The following TACC2 variants were observed in gnomAD, a reference collection of about 807,000 sequenced individuals.
TACC2 encodes the protein transforming acidic coiled-coil containing protein 2, also known as transforming acidic coiled-coil-containing protein 2.
TACC2 carries 137 observed loss-of-function variants against 227.3 expected under a neutral mutation model. That is an observed-to-expected ratio of 0.60 (90% CI 0.52 to 0.69). TACC2 has a LOEUF of 0.69. Among genes scored for constraint, TACC2 ranks in the 30% least tolerant of loss-of-function variants. The pLI, the probability that TACC2 is intolerant of heterozygous loss-of-function variation, is 0.00. For missense variants in TACC2, 3,470 were observed against 3,694.4 expected (o/e 0.94, Z 1.57); for synonymous variants, 1,523 against 1,487.5 (o/e 1.02, Z -0.55).
intron 2 of TACC2, among the ~76,000 whole-genome samples, chr10:122,026,917 T>C (rs1958105274): frequency 6.6e-6 from 1 of 152,262 alleles, no homozygotes. Flanking sequence ...ATAAAACTAC[T>C]ATAAACATCT....
intron 3 of TACC2, among the ~76,000 whole-genome samples, chr10:122,073,609 G>A (rs781470543): frequency 3.9e-5 from 6 of 152,064 alleles, no homozygotes; most frequent in Admixed American, 6.5e-5. Context: ...AAAAGGCAAC[G>A]GAAGGTTTCC....
chr10:122,045,767 C>A (rs1261437459), intron 2 of TACC2, among the ~76,000 whole-genome samples: 1 of 152,204 alleles, frequency 6.6e-6, no homozygotes. Context: ...TGTCAAAGAG[C>A]TTTGAAAAGT....
In TACC2 at chr10:122,211,693, A is replaced by C. The variant is rs2095296240; in HGVS notation, c.7268A>C (p.Lys2423Thr). ...CTAAACAAGCCCGCCAAGAAGAAGA[A>C]GACGCCCCTAAAGACGTAAGTTCAG... is the stretch of plus-strand genomic sequence containing the variant. The part of the protein sequence containing the change: ...DGLNKPAKKK[K>T]TPLKTDTFRV... Residue 2423 changes from lysine (K) to threonine (T), a missense_variant, in exon 9 of 23, where the codon AAG becomes ACG. Transcript: ENST00000369005. The C allele has an allele frequency of 1.3e-6, 2 of 1,555,392 alleles. No homozygotes were observed. The highest frequency in any genetic ancestry group is 1.7e-6 in the Non-Finnish European group (2 of 1,157,776).
intron 9 of TACC2, among the ~76,000 whole-genome samples, chr10:122,213,747 A>G (rs1230965757): frequency 6.6e-6 from 1 of 152,162 alleles, no homozygotes; most frequent in Admixed American, 6.5e-5. Flanking sequence ...TTTCAACACT[A>G]CTGTGGCTTC....
chr10:122,080,532 C>A (rs1216665815), intron 3 of TACC2, among the ~76,000 whole-genome samples: 1 of 152,144 alleles, frequency 6.6e-6, no homozygotes. Flanking sequence ...TGCACCCGGC[C>A]TCTTCCTCTT....
chr10:122,012,040 T>C (rs1187184695), intron 1 of TACC2, among the ~76,000 whole-genome samples: 1 of 151,920 alleles, frequency 6.6e-6, no homozygotes, highest in Non-Finnish European at 1.5e-5. Flanking sequence ...CAGGTTCAAA[T>C]GATTCTCCCG....
At position 122,084,353 on chromosome 10, in the gene TACC2, C is replaced by T. The variant is rs768651010; in HGVS notation, c.1853C>T (p.Pro618Leu). The T allele has an allele frequency of 3.2e-5, 51 of 1,613,702 alleles. 1 individual carries two copies. Among genetic ancestry groups the T allele is most frequent in the East Asian group, 2.2e-4 (10 of 44,884 alleles). The change falls in exon 4 of 23, where the codon CCA becomes CTA. Residue 618 changes from proline (P) to leucine (L), a missense_variant. Physicochemically the swap from Pro to Leu is moderately conservative, Grantham distance 98. Transcript: ENST00000369005. ...PEVGKDELSK[P>L]SSDAESRDHP... ...GTAGGCAAAGATGAGCTTTCAAAGCCAAGCAGTGATGCAGAGAGCAGAGAC... is the reference window on the plus strand; with the variant it reads ...GTAGGCAAAGATGAGCTTTCAAAGCTAAGCAGTGATGCAGAGAGCAGAGAC...
chr10:122,135,045 A>G (rs1170685001), intron 6 of TACC2, among the ~76,000 whole-genome samples: 1 of 152,182 alleles, frequency 6.6e-6, no homozygotes, highest in Non-Finnish European at 1.5e-5. Context: ...TCCTCATGCC[A>G]GCTGTAGAAG....
At position 122,244,481 on chromosome 10, in the gene TACC2, C is replaced by T. The variant is rs141448149; in HGVS notation, c.8392+2480C>T. On this transcript the variant is annotated intron_variant, in intron 19 of 22. Coordinates refer to ENST00000369005, the MANE Select transcript of TACC2 (RefSeq NM_206862.4). ...GTTGCAGGTCATTGACTAAGGTCAC[C>T]GTAGATTTCAAGGTCCTTGTGTCCT... Among the ~76,000 whole-genome samples, 76 of 152,184 alleles carry T rather than the reference C, an allele frequency of 5.0e-4. No homozygotes were observed. In the East Asian group the frequency reaches 7.7e-3, roughly 16 times the overall value.
At chr10:122,028,022 C>T (rs1565104386) in intron 2 of TACC2, among the ~76,000 whole-genome samples, 1 of 150,214 alleles carries the variant, frequency 6.7e-6, no homozygotes, top group Non-Finnish European at 1.5e-5. Context: ...GGATTACAGG[C>T]GTGAGCCACT....
At chr10:122,057,903 C>A (rs558215011) in intron 3 of TACC2, among the ~76,000 whole-genome samples, 2 of 152,168 alleles carry the variant, frequency 1.3e-5, no homozygotes, top group Non-Finnish European at 2.9e-5. Flanking sequence ...CCTGCTCCCT[C>A]GCTAGATGAT....
chr10:122,167,120 CA>C (rs2093217778), intron 7 of TACC2, among the ~76,000 whole-genome samples: 1 of 152,202 alleles, frequency 6.6e-6, no homozygotes, highest in Non-Finnish European at 1.5e-5. Context: ...GAAAACCACC[CA>C]GGGGGCCATT....
intron 2 of TACC2, among the ~76,000 whole-genome samples, chr10:122,031,702 C>CT (rs1959002208): frequency 6.7e-6 from 1 of 149,824 alleles, no homozygotes; most frequent in African/African-American, 2.5e-5. Context: ...CACGCCTGGC[C>CT]CAGCCTCCTT....
intron 9 of TACC2, among the ~76,000 whole-genome samples, chr10:122,213,163 G>C (rs953574525): frequency 6.6e-6 from 1 of 152,212 alleles, no homozygotes; most frequent in Non-Finnish European, 1.5e-5. Context: ...ACGGCTTTGT[G>C]GGATCATTAG....
At position 122,226,413 on chromosome 10, in the gene TACC2, C is replaced by T. The variant is rs1435239520; in HGVS notation, c.7656C>T (p.Asp2552=). The change falls in exon 13 of 23, where the codon GAC becomes GAT. Residue 2552 remains aspartate (D), a synonymous_variant. Coordinates refer to ENST00000369005, the MANE Select transcript of TACC2 (RefSeq NM_206862.4). ...AGCAGGCCTTGTACCTTATGTTTGA[C>T]ACTTCTCAGGAGAGCCCTGTCAAGT... is the stretch of plus-strand genomic sequence containing the variant. ...PKKQALYLMF[D]TSQESPVKSS... The T allele has an allele frequency of 6.2e-7, 1 of 1,614,122 alleles. No homozygotes were observed. The highest frequency in any genetic ancestry group is 1.1e-5 in the South Asian group (1 of 91,062).
chr10:122,149,457 G>C (rs1296339165), intron 7 of TACC2, among the ~76,000 whole-genome samples: 1 of 152,176 alleles, frequency 6.6e-6, no homozygotes, highest in Non-Finnish European at 1.5e-5. Flanking sequence ...CGGCTGTGGC[G>C]TTGGCTCTTC....
chr10:122,210,478 A>C lies in TACC2; in HGVS notation c.6053A>C (p.His2018Pro), dbSNP rs2095265938. Reference protein sequence around the residue: ...VEGSPFRPPSHSFSAVFDEDK... With the variant: ...VEGSPFRPPSPSFSAVFDEDK... ...GGAAGTCCCTTCCGTCCCCCGTCACACTCCTTCTCTGCCGTCTTCGATGAA... is the reference window on the plus strand; with the variant it reads ...GGAAGTCCCTTCCGTCCCCCGTCACCCTCCTTCTCTGCCGTCTTCGATGAA... The change falls in exon 9 of 23, where the codon CAC becomes CCC. Residue 2018 changes from histidine to proline, a missense_variant. Physicochemically the swap from His to Pro is moderately conservative, Grantham distance 77 (BLOSUM62 -2). Transcript: ENST00000369005. This position sits in a 1 kb window ranked among gnomAD's most constrained non-coding sequence, Gnocchi z 4.6. 1 of 1,612,780 alleles carries C rather than the reference A, an allele frequency of 6.2e-7. No homozygotes were observed. Among genetic ancestry groups the C allele is most frequent in the Non-Finnish European group, 8.5e-7 (1 of 1,179,790 alleles).
At chr10:122,142,328 G>C (rs969763252) in intron 6 of TACC2, among the ~76,000 whole-genome samples, 2 of 152,246 alleles carry the variant, frequency 1.3e-5, no homozygotes, top group Admixed American at 6.5e-5. Flanking sequence ...CCAGGGTTGC[G>C]ATCCTGCGGT....
Position 122,084,862 on chromosome 10 carries a change from GC to G in TACC2, c.2363del (p.Ala788GlufsTer27), listed in dbSNP as rs2079926962. 1.2e-6 allele frequency: 2 copies of G among 1,613,852 alleles called. No homozygotes were observed. The highest frequency in any genetic ancestry group is 1.7e-6 in the Non-Finnish European group (2 of 1,180,036). Reference protein sequence around the residue: ...VPHPPQGENLAADLGLTALIL... With the variant: ...VPHPPQGENLXADLGLTALIL... ...ACATCCCCCCCAGGGGGAGAACTTGGCAGCAGACCTGGGGCTCACGGCACTC... is the reference window on the plus strand; with the variant it reads ...ACATCCCCCCCAGGGGGAGAACTTGGAGCAGACCTGGGGCTCACGGCACTC... On this transcript the variant is annotated frameshift_variant, in exon 4 of 23. Coordinates refer to ENST00000369005, the MANE Select transcript of TACC2 (RefSeq NM_206862.4). LOFTEE classifies it high-confidence loss of function.
Sources: allele counts gnomAD v4.1 joint callset (sites outside exome capture counted in the v4.1 genomes callset), GRCh38; gene constraint gnomAD v4.1.1; non-coding constraint Gnocchi (gnomAD v3.1); transcripts MANE v1.5; gene names NCBI Gene and HGNC (gene_info 2026-07-23, HGNC 2026-07-21).